TGFB2: variants seen among roughly 807,000 people sequenced by gnomAD.
TGFB2 encodes transforming growth factor beta 2.
Under a neutral mutation model 42.7 loss-of-function variants are expected in TGFB2, and 13 were observed. The observed-to-expected ratio is 0.30, with a 90% CI of 0.20 to 0.48. TGFB2 has a LOEUF of 0.48. Ranked by LOEUF, TGFB2 falls within the 20% of genes least tolerant of loss-of-function variation. The pLI is 0.99. For synonymous variants in TGFB2, 193 were observed against 193.6 expected (o/e 1.00, Z 0.03); for missense variants, 390 against 517.5 (o/e 0.75, Z 2.39).
chr1:218,379,487 C>CTT (rs59224313), intron 1 of TGFB2, among the ~76,000 whole-genome samples: 49,214 of 133,150 alleles, frequency 0.37, 9,224 homozygotes, highest in Non-Finnish European at 0.43. Flanking sequence ...TTCTTTCTTT[C>CTT]TTTTTTTTTT....
intron 2 of TGFB2, among the ~76,000 whole-genome samples, chr1:218,416,654 C>A (rs958496504): frequency 6.6e-6 from 1 of 152,228 alleles, no homozygotes; most frequent in African/African-American, 2.4e-5. Context: ...TTGTCCCTCA[C>A]CTGGGCCATG....
intron 2 of TGFB2, chr1:218,405,553 G>A: frequency 1.5e-6 from 1 of 687,556 alleles, no homozygotes; most frequent in South Asian, 1.7e-5. Context: ...ACTTTTTTTA[G>A]ATACGAGGTC....
intron 1 of TGFB2, among the ~76,000 whole-genome samples, chr1:218,388,376 A>AATTATGGATT: frequency 6.6e-6 from 1 of 152,312 alleles, no homozygotes; most frequent in East Asian, 1.9e-4. Flanking sequence ...ACTACTGGGC[A>AATTATGGATT]ATTATGGATT....
At chr1:218,405,592 C>G (rs1658886616) in intron 2 of TGFB2, 3 of 491,794 alleles carry the variant, frequency 6.1e-6, no homozygotes, top group Admixed American at 6.2e-5. Flanking sequence ...TGATCTGGAA[C>G]TCCTGGCCTT....
intron 1 of TGFB2, among the ~76,000 whole-genome samples, chr1:218,382,616 T>C (rs1658001599): frequency 6.6e-6 from 1 of 152,230 alleles, no homozygotes; most frequent in Non-Finnish European, 1.5e-5. Flanking sequence ...GAGATTTTTT[T>C]TTCTCTACTT....
At chr1:218,417,540 A>G in intron 2 of TGFB2, among the ~76,000 whole-genome samples, 1 of 152,344 alleles carries the variant, frequency 6.6e-6, no homozygotes, top group South Asian at 2.1e-4. Context: ...AGAAAATCTC[A>G]TTTTCTGAGG....
chr1:218,406,876 T>G (rs1658931158), intron 2 of TGFB2, among the ~76,000 whole-genome samples: 1 of 152,118 alleles, frequency 6.6e-6, no homozygotes, highest in South Asian at 2.1e-4. Context: ...TGATAAGGGG[T>G]ATATATGTGT....
Position 218,388,384 on chromosome 1 carries a change from A to G in TGFB2, c.347-16785A>G, listed in dbSNP as rs754694396. On this transcript the variant is annotated intron_variant, in intron 1 of 6. Coordinates refer to ENST00000366930, the MANE Select transcript of TGFB2 (RefSeq NM_003238.6). Reference sequence around the variant, plus strand: ...TCAGTAAACTACTGGGCAATTATGGATTGCTTGGCACACCAAAAAGTGATT... The same window carrying G: ...TCAGTAAACTACTGGGCAATTATGGGTTGCTTGGCACACCAAAAAGTGATT... 4.0e-4 allele frequency among the ~76,000 whole-genome samples: 61 copies of G among 152,166 alleles called. 1 individual carries two copies. Among genetic ancestry groups the G allele is most frequent in the Non-Finnish European group, 8.8e-5 (6 of 68,038 alleles).
chr1:218,426,380 TC>T (rs1659626408), intron 2 of TGFB2, among the ~76,000 whole-genome samples: 2 of 152,210 alleles, frequency 1.3e-5, no homozygotes, highest in African/African-American at 2.4e-5. Flanking sequence ...ACTTGTTTTT[TC>T]CCCCCTCAAA....
chr1:218,360,922 TCA>T (rs1194796793), intron 1 of TGFB2, among the ~76,000 whole-genome samples: 1 of 152,196 alleles, frequency 6.6e-6, no homozygotes, highest in East Asian at 1.9e-4. Context: ...TGGTGTGATC[TCA>T]GTTTACTGCA....
intron 2 of TGFB2, among the ~76,000 whole-genome samples, chr1:218,431,291 G>C (rs536334254): frequency 6.6e-6 from 1 of 152,110 alleles, no homozygotes. Context: ...TCTCCTAGTA[G>C]GATTTAAAAG....
At chr1:218,420,954 A>T (rs1329833915) in intron 2 of TGFB2, among the ~76,000 whole-genome samples, 1 of 152,138 alleles carries the variant, frequency 6.6e-6, no homozygotes, top group East Asian at 1.9e-4. Flanking sequence ...GACAGATGCA[A>T]TTATAAAGGA....
intron 6 of TGFB2, 125 bp downstream of exon 6, chr1:218,437,621 G>GA: frequency 9.5e-7 from 1 of 1,056,304 alleles, no homozygotes; most frequent in Non-Finnish European, 1.3e-6. Flanking sequence ...GGGTACTGGA[G>GA]AAAAATCTTT....
chr1:218,381,821 G>A (rs1173443834), intron 1 of TGFB2, among the ~76,000 whole-genome samples: 1 of 151,686 alleles, frequency 6.6e-6, no homozygotes, highest in Admixed American at 6.6e-5. Context: ...GCTACTAGGT[G>A]TGTGTGTAGG....
rs78639038 is a variant in TGFB2, at chr1:218,412,991, T to C, written c.510+7659T>C. ...GCTGATAGTCTCAGGTGTCTCCATG[T>C]GGTCTTCCCAGAACAGTAATCTGAC... On this transcript the variant is annotated intron_variant, in intron 2 of 6. Coordinates refer to ENST00000366930, the MANE Select transcript of TGFB2 (RefSeq NM_003238.6). Among the ~76,000 whole-genome samples, 68 of 152,320 alleles carry C rather than the reference T, an allele frequency of 4.5e-4. No individual in the cohort carries two copies. The East Asian group carries it at 5.2e-3, about 12-fold the overall frequency.
At chr1:218,439,708 G>GC (rs1359531515) in intron 6 of TGFB2, among the ~76,000 whole-genome samples, 2 of 152,198 alleles carry the variant, frequency 1.3e-5, no homozygotes, top group Non-Finnish European at 2.9e-5. Context: ...CCTCTGGGCT[G>GC]CGGCAGCAGT....
intron 1 of TGFB2, among the ~76,000 whole-genome samples, chr1:218,360,857 T>A (rs1405735407): frequency 6.6e-6 from 1 of 152,122 alleles, no homozygotes; most frequent in African/African-American, 2.4e-5. Context: ...GAAAACTGAT[T>A]TTTTTTCCTT....
chr1:218,432,551 C>T (rs978956522), intron 2 of TGFB2, among the ~76,000 whole-genome samples: 3 of 152,104 alleles, frequency 2.0e-5, no homozygotes, highest in Non-Finnish European at 4.4e-5. Flanking sequence ...TTACCTGAAA[C>T]AAATCATGTA....
intron 1 of TGFB2, among the ~76,000 whole-genome samples, chr1:218,403,353 C>G (rs994721449): frequency 1.3e-5 from 2 of 152,038 alleles, no homozygotes; most frequent in African/African-American, 4.8e-5. Flanking sequence ...GAGAGTCACA[C>G]ATATATAGGG....
Sources: gnomAD v4.1 joint callset for allele counts (sites outside exome capture counted in the v4.1 genomes callset) on GRCh38, gnomAD v4.1.1 for gene constraint, MANE v1.5 for transcripts, NCBI Gene and HGNC (gene_info 2026-07-23, HGNC 2026-07-21) for gene names.